Variants in ZNF142 observed in about 807,000 individuals in gnomAD.
The protein encoded by ZNF142 is zinc finger protein 142 (clone pHZ-49).
Under a neutral mutation model 132.1 loss-of-function variants are expected in ZNF142, and 96 were observed. The observed-to-expected ratio is 0.73, with a 90% CI of 0.62 to 0.86. ZNF142 has a LOEUF of 0.86. Ranked by LOEUF, ZNF142 falls within the 40% of genes least tolerant of loss-of-function variation. ZNF142 has a pLI of 0.00. For synonymous variants in ZNF142, 842 were observed against 890.1 expected (o/e 0.95, Z 0.96); for missense variants, 2,163 against 2,336.2 (o/e 0.93, Z 1.53).
At chr2:218,648,181 T>C (rs1051815963) in intron 7 of ZNF142, among the ~76,000 whole-genome samples, 6 of 152,248 alleles carry the variant, frequency 3.9e-5, no homozygotes, top group African/African-American at 1.4e-4. Flanking sequence ...TCCAGGTCAC[T>C]GGAGGTGATC....
chr2:218,641,038 G>A (rs1385830515), intron 9 of ZNF142, among the ~76,000 whole-genome samples: 2 of 150,642 alleles, frequency 1.3e-5, no homozygotes, highest in Non-Finnish European at 2.9e-5. Context: ...GGGCTAAAGC[G>A]ATCCTCCCAC....
chr2:218,636,177 A>G lies in ZNF142; in HGVS notation c.*2162T>C, dbSNP rs1206840746. The G allele has an allele frequency of 1.3e-6, 2 of 1,551,520 alleles. No individual in the cohort carries two copies. Among genetic ancestry groups the G allele is most frequent in the Non-Finnish European group, 1.8e-6 (2 of 1,127,292 alleles). ...GCCATCTAGATTAAATGAGAACACA[A>G]GAAAAGCAACCCAGTCAAGAAAACT... On this transcript the variant is annotated 3_prime_UTR_variant, in exon 11 of 11. Coordinates refer to ENST00000411696, the MANE Select transcript of ZNF142 (RefSeq NM_001379659.1).
Position 218,642,042 on chromosome 2 carries a change from G to GATC in ZNF142, c.5071_5073dup (p.Asp1691dup). ...TCTGACATTACCTTGAGACGAGAGG[G>GATC]ATCAGCACAGGCATAGGGGCAGAGG... On this transcript the variant is annotated inframe_insertion, in exon 9 of 11. Transcript: ENST00000411696. The surrounding 1 kb of genome is among the most constrained non-coding windows in gnomAD (Gnocchi z 4.6). 1 of 1,613,912 alleles carries GATC rather than the reference G, an allele frequency of 6.2e-7. No individual in the cohort carries two copies. The highest frequency in any genetic ancestry group is 2.2e-5 in the East Asian group (1 of 44,866).
intron 10 of ZNF142, 116 bp from the exon 11 acceptor site, chr2:218,638,924 A>G (rs1674899650): frequency 2.5e-6 from 2 of 790,306 alleles, no homozygotes; most frequent in Non-Finnish European, 3.9e-6. Context: ...ACTAATGACC[A>G]TCTCTTTGGA....
At chr2:218,655,659 C>T (rs7600121) in intron 4 of ZNF142, among the ~76,000 whole-genome samples, 3,543 of 152,194 alleles carry the variant, frequency 0.023, 140 homozygotes, top group African/African-American at 0.08. Context: ...CAGGCCTCAA[C>T]TCTTATTCTT....
Position 218,642,591 on chromosome 2 carries a change from G to A in ZNF142, c.4525C>T (p.His1509Tyr), listed in dbSNP as rs1403829818. Reference protein sequence around the residue: ...TALKQHALRRHPEPAQPAPGS... With the variant: ...TALKQHALRRYPEPAQPAPGS... ...GGGGCAGGCTGTGCAGGCTCGGGGT[G>A]TCGGCGCAGAGCATGCTGCTTAAGT... is the stretch of plus-strand genomic sequence containing the variant. Residue 1509 changes from histidine to tyrosine, a missense_variant, in exon 9 of 11, where the codon CAC (histidine) becomes TAC (tyrosine). Around this residue, in one of 7 missense-constraint regions of ZNF142, gnomAD observed 809 missense variants for 801.7 expected, o/e 1.01. Coordinates refer to ENST00000411696, the MANE Select transcript of ZNF142 (RefSeq NM_001379659.1). The surrounding 1 kb of genome is among the most constrained non-coding windows in gnomAD (Gnocchi z 4.6). The A allele has an allele frequency of 1.2e-6, 2 of 1,602,044 alleles. No individual in the cohort carries two copies. The highest frequency in any genetic ancestry group is 2.3e-5 in the East Asian group (1 of 43,594).
rs966564080 is a variant in ZNF142 at position 218,635,891 on chromosome 2, A to G, written c.*2448T>C. On this transcript the variant is annotated 3_prime_UTR_variant, in exon 11 of 11. Transcript: ENST00000411696. ...AAGTGCAGATCTTTGGCGTTCGTCT[A>G]GACACAGCACGGCAGGAGACCAACT... 5.6e-6 allele frequency: 9 copies of G among 1,613,926 alleles called. No individual in the cohort carries two copies. Among genetic ancestry groups the G allele is most frequent in the Non-Finnish European group, 7.6e-6 (9 of 1,179,912 alleles).
intron 10 of ZNF142, 50 bp downstream of exon 10, chr2:218,640,614 G>T: frequency 6.4e-7 from 1 of 1,559,620 alleles, no homozygotes; most frequent in Non-Finnish European, 8.8e-7. Flanking sequence ...GGTTAGGTTT[G>T]CCAGGGAACA....
At chr2:218,639,130 C>T (rs1012601282) in intron 10 of ZNF142, among the ~76,000 whole-genome samples, 8 of 152,226 alleles carry the variant, frequency 5.3e-5, no homozygotes, top group African/African-American at 1.9e-4. Flanking sequence ...GGCCACCACA[C>T]CTGGCTAATT....
rs1697372640 is a variant in ZNF142 at position 218,643,013 on chromosome 2, CGGGGCCCACGGGCT to C, written c.4089_4102del (p.Arg1365ProfsTer12). The C allele has an allele frequency of 2.5e-6, 4 of 1,604,962 alleles. No individual in the cohort carries two copies. The highest frequency in any genetic ancestry group is 1.7e-5 in the Admixed American group (1 of 58,322). On this transcript the variant is annotated frameshift_variant, in exon 9 of 11. Transcript: ENST00000411696. LOFTEE classifies it high-confidence loss of function. ...ACAGTCCCCACACTGTAGATGGGGCCGGGGCCCACGGGCTGGGGCTGCAGTGGGGTGCCTCCGCT... is the reference window on the plus strand; with the variant it reads ...ACAGTCCCCACACTGTAGATGGGGCCGGGGCTGCAGTGGGGTGCCTCCGCT...
rs1449909345 is a variant in ZNF142 at position 218,633,854 on chromosome 2, G to A, written c.*4485C>T. The A allele has an allele frequency of 6.9e-7, 1 of 1,459,454 alleles. No individual in the cohort carries two copies. Among genetic ancestry groups the A allele is most frequent in the Non-Finnish European group, 9.4e-7 (1 of 1,062,336 alleles). 90.4% of individuals were successfully genotyped at this position (1,459,454 alleles called of 1,614,324 possible). On this transcript the variant is annotated 3_prime_UTR_variant, in exon 11 of 11. Transcript: ENST00000411696. ...GGTAAGTCCCAAGAAAAAAGACAAG[G>A]TAGCTAAGGAGAGATGAAGGAGTTC... is the stretch of plus-strand genomic sequence containing the variant.
chr2:218,645,149 G>T, intron 8 of ZNF142, 85 bp from the exon 9 acceptor site: 1 of 1,508,850 alleles, frequency 6.6e-7, no homozygotes, highest in Non-Finnish European at 8.9e-7. Context: ...CTGTGGGCCA[G>T]GCTCTGCACT....
At position 218,650,362 on chromosome 2, in the gene ZNF142, C is replaced by T. The variant is rs1937866824; in HGVS notation, c.1045G>A (p.Glu349Lys). Residue 349 changes from glutamate to lysine, a missense_variant, in exon 6 of 11, where the codon GAA becomes AAA. This residue lies in a region of ZNF142 where 749 missense variants were observed against 830.3 expected (regional missense o/e 0.90). Coordinates refer to ENST00000411696, the MANE Select transcript of ZNF142 (RefSeq NM_001379659.1). Reference protein sequence around the residue: ...VDKGQGAQRLEGDVVSGTESL... With the variant: ...VDKGQGAQRLKGDVVSGTESL... Reference sequence around the variant, plus strand: ...TCAAGCCTCAGAATGTCATTACCTTCCAGCCGCTGAGCCCCTTGGCCTTTA... The same window carrying T: ...TCAAGCCTCAGAATGTCATTACCTTTCAGCCGCTGAGCCCCTTGGCCTTTA... The T allele has an allele frequency of 9.3e-6, 15 of 1,614,214 alleles. No homozygotes were observed. The highest frequency in any genetic ancestry group is 1.2e-5 in the Non-Finnish European group (14 of 1,180,042).
At chr2:218,653,150 C>T (rs372733943) in intron 4 of ZNF142, among the ~76,000 whole-genome samples, 2 of 151,794 alleles carry the variant, frequency 1.3e-5, no homozygotes, top group African/African-American at 4.8e-5. Context: ...CGTGGTGGCA[C>T]GCACCTGTAG....
intron 3 of ZNF142, among the ~76,000 whole-genome samples, chr2:218,657,028 G>C (rs569838343): frequency 6.6e-6 from 1 of 152,244 alleles, no homozygotes; most frequent in African/African-American, 2.4e-5. Context: ...ATGTTGGCCA[G>C]GCTGGTCTCG....
rs185952590 is a variant in ZNF142 at position 218,651,226 on chromosome 2, T to A, written c.880+475A>T. On this transcript the variant is annotated intron_variant, in intron 5 of 10. Coordinates refer to ENST00000411696, the MANE Select transcript of ZNF142 (RefSeq NM_001379659.1). Reference sequence around the variant, plus strand: ...TGAACTCCTGGGCTCAAGGGATCCATCCACCTTGGCCTCTCAAATTGTTGG... The same window carrying A: ...TGAACTCCTGGGCTCAAGGGATCCAACCACCTTGGCCTCTCAAATTGTTGG... 1.6e-3 allele frequency among the ~76,000 whole-genome samples: 243 copies of A among 152,290 alleles called. 2 individuals carry two copies. Among genetic ancestry groups the A allele is most frequent in the African/African-American group, 5.5e-3 (230 of 41,558 alleles).
chr2:218,643,262 T>G lies in ZNF142; in HGVS notation c.3854A>C (p.Glu1285Ala), dbSNP rs1457538945. 9.3e-6 allele frequency: 15 copies of G among 1,614,096 alleles called. No homozygotes were observed. The highest frequency in any genetic ancestry group is 1.3e-5 in the Non-Finnish European group (15 of 1,180,046). Residue 1285 changes from glutamate (E) to alanine (A), a missense_variant, in exon 9 of 11, where the codon GAG becomes GCG. Around this residue, in one of 7 missense-constraint regions of ZNF142, gnomAD observed 809 missense variants for 801.7 expected, o/e 1.01. Coordinates refer to ENST00000411696, the MANE Select transcript of ZNF142 (RefSeq NM_001379659.1). ...TGTATCCCCATCACCAGAGCTGGAC[T>G]CTGTACTCCCATTCTTCGGGGGAGC... ...DSAPPKNGST[E>A]SSSGDGDTVL...
At position 218,634,295 on chromosome 2, in the gene ZNF142, A is replaced by G; in HGVS notation, c.*4044T>C. On this transcript the variant is annotated 3_prime_UTR_variant, in exon 11 of 11. Transcript: ENST00000411696. This position sits in a 1 kb window ranked among gnomAD's most constrained non-coding sequence, Gnocchi z 4.0. Reference sequence around the variant, plus strand: ...GGGAAATAAGTTCTCTAGTGATGGTAGGGTTGGGGAATGCTCAAGAAAATT... The same window carrying G: ...GGGAAATAAGTTCTCTAGTGATGGTGGGGTTGGGGAATGCTCAAGAAAATT... 6.4e-7 allele frequency: 1 copy of G among 1,573,082 alleles called. No homozygotes were observed. The highest frequency in any genetic ancestry group is 8.6e-7 in the Non-Finnish European group (1 of 1,159,406).
intron 5 of ZNF142, among the ~76,000 whole-genome samples, chr2:218,651,041 C>G (rs1167785368): frequency 6.7e-6 from 1 of 148,702 alleles, no homozygotes; most frequent in Non-Finnish European, 1.5e-5. Context: ...GACTGAAGTG[C>G]AGTGCTGCAA....
Sources: allele counts gnomAD v4.1 joint callset (sites outside exome capture counted in the v4.1 genomes callset), GRCh38; gene constraint gnomAD v4.1.1; regional missense constraint gnomAD v4.1.1; non-coding constraint Gnocchi (gnomAD v3.1); transcripts MANE v1.5; gene names NCBI Gene and HGNC (gene_info 2026-07-23, HGNC 2026-07-21).